Variants in FGGY observed in about 807,000 individuals in gnomAD.
FGGY encodes the protein FGGY carbohydrate kinase domain-containing protein.
A neutral mutation model predicts 71.3 loss-of-function variants in FGGY; 72 were observed. The observed-to-expected ratio is 1.01, with a 90% CI of 0.84 to 1.23. The LOEUF is 1.23. Among genes scored for constraint, FGGY ranks in the 50% most tolerant of loss-of-function variants. The pLI is 0.00. For synonymous variants in FGGY, 251 were observed against 250.3 expected, an observed-to-expected ratio of 1.00 and a Z score of -0.02; for missense variants, 668 against 682.3, an observed-to-expected ratio of 0.98 and a Z score of 0.23.
chr1:59,499,968 A>G (rs1004822607), intron 6 of FGGY, among the ~76,000 whole-genome samples: 1 of 152,120 alleles, frequency 6.6e-6, no homozygotes, highest in Non-Finnish European at 1.5e-5. Flanking sequence ...TTTCCCTTTA[A>G]GGATTTCAAA....
intron 15 of FGGY, among the ~76,000 whole-genome samples, chr1:59,759,744 C>T (rs1019745504): frequency 1.3e-5 from 2 of 152,124 alleles, no homozygotes; most frequent in African/African-American, 4.8e-5. Context: ...CGATGTGGGA[C>T]GACATTTACT....
At chr1:59,730,477 C>T (rs79800561) in intron 14 of FGGY, among the ~76,000 whole-genome samples, 1,641 of 152,272 alleles carry the variant, frequency 0.011, 33 homozygotes, top group African/African-American at 0.037. Context: ...ATAGCTACAG[C>T]TTCAGTAGCC....
intron 14 of FGGY, among the ~76,000 whole-genome samples, chr1:59,675,062 G>A (rs995647558): frequency 2.0e-5 from 3 of 152,144 alleles, no homozygotes; most frequent in African/African-American, 7.2e-5. Flanking sequence ...CCATTTTATA[G>A]TTGAGGAACC....
chr1:59,632,085 G>A (rs1195440882), intron 10 of FGGY, among the ~76,000 whole-genome samples: 1 of 152,184 alleles, frequency 6.6e-6, no homozygotes, highest in Non-Finnish European at 1.5e-5. Context: ...TGGCCCATCT[G>A]TCTGATGAGT....
chr1:59,688,678 A>G lies in FGGY; in HGVS notation c.1512+14545A>G, dbSNP rs1159475945. Reference sequence around the variant, plus strand: ...TTGAATGCAGGTTTTTCTCTCCCCAAGCATATGCTCTTTCCACTTGGGGAC... The same window carrying G: ...TTGAATGCAGGTTTTTCTCTCCCCAGGCATATGCTCTTTCCACTTGGGGAC... On this transcript the variant is annotated intron_variant, in intron 14 of 15. Coordinates refer to ENST00000303721, the MANE Select transcript of FGGY (RefSeq NM_018291.5). 2.0e-5 allele frequency among the ~76,000 whole-genome samples: 3 copies of G among 152,134 alleles called. No individual in the cohort carries two copies. In the East Asian group the frequency reaches 5.8e-4, roughly 29 times the overall value.
At chr1:59,734,915 T>C (rs930345116) in intron 14 of FGGY, among the ~76,000 whole-genome samples, 6 of 152,258 alleles carry the variant, frequency 3.9e-5, no homozygotes, top group Non-Finnish European at 5.9e-5. Flanking sequence ...TTGCCTCTAA[T>C]GTGACAGATT....
intron 7 of FGGY, among the ~76,000 whole-genome samples, chr1:59,537,798 A>C (rs2095357938): frequency 6.6e-6 from 1 of 152,190 alleles, no homozygotes; most frequent in South Asian, 2.1e-4. Flanking sequence ...AGCCATATGG[A>C]GAAAGCTGAA....
intron 11 of FGGY, chr1:59,641,217 G>A: frequency 7.6e-7 from 1 of 1,322,994 alleles, no homozygotes; most frequent in East Asian, 2.5e-5. Context: ...TCTAACCAAT[G>A]ATAGATTGCC....
At chr1:59,752,899 G>A (rs1303969762) in intron 14 of FGGY, among the ~76,000 whole-genome samples, 1 of 152,220 alleles carries the variant, frequency 6.6e-6, no homozygotes, top group Non-Finnish European at 1.5e-5. Flanking sequence ...GCTTTCAGAA[G>A]TGATGATCAA....
intron 6 of FGGY, among the ~76,000 whole-genome samples, chr1:59,486,361 T>C (rs760931215): frequency 6.6e-6 from 1 of 152,166 alleles, no homozygotes; most frequent in Non-Finnish European, 1.5e-5. Flanking sequence ...TTAAGTGCCC[T>C]GTGAGCAGGC....
At chr1:59,606,868 C>A (rs1439887976) in intron 8 of FGGY, among the ~76,000 whole-genome samples, 1 of 151,820 alleles carries the variant, frequency 6.6e-6, no homozygotes, top group Admixed American at 6.6e-5. Flanking sequence ...TCTCATGAAC[C>A]ACACTATATT....
At chr1:59,680,502 A>G (rs1391261131) in intron 14 of FGGY, among the ~76,000 whole-genome samples, 1 of 150,372 alleles carries the variant, frequency 6.7e-6, no homozygotes, top group African/African-American at 2.4e-5. Context: ...AAAAAAAAAA[A>G]TAGAATAAAA....
intron 14 of FGGY, among the ~76,000 whole-genome samples, chr1:59,694,268 G>A (rs181870354): frequency 4.0e-5 from 6 of 150,902 alleles, no homozygotes; most frequent in East Asian, 1.9e-4. Context: ...CAGCCTGGGC[G>A]ACAAAGCAAG....
intron 3 of FGGY, among the ~76,000 whole-genome samples, chr1:59,343,747 TATTA>T (rs1168953803): frequency 1.2e-4 from 18 of 150,316 alleles, no homozygotes; most frequent in African/African-American, 4.0e-4. Flanking sequence ...AAACGAAAAT[TATTA>T]ATTCTAATAC....
At chr1:59,373,192 G>A (rs2058017314) in intron 4 of FGGY, among the ~76,000 whole-genome samples, 1 of 152,040 alleles carries the variant, frequency 6.6e-6, no homozygotes, top group East Asian at 1.9e-4. Flanking sequence ...CCCTTAAGCT[G>A]ATAAGCAACT....
intron 14 of FGGY, among the ~76,000 whole-genome samples, chr1:59,714,374 A>AGTGGTGGGTGAATC (rs1298583716): frequency 7.7e-4 from 118 of 152,260 alleles, no homozygotes; most frequent in African/African-American, 2.6e-3. Context: ...TCAAAGACCT[A>AGTGGTGGGTGAATC]GTGGTGGGTG....
chr1:59,708,080 C>G (rs1356652533), intron 14 of FGGY, among the ~76,000 whole-genome samples: 1 of 152,110 alleles, frequency 6.6e-6, no homozygotes, highest in Non-Finnish European at 1.5e-5. Flanking sequence ...AATCCAGGGC[C>G]TCCTGTTTCT....
Position 59,433,776 on chromosome 1 carries a change from G to A in FGGY, c.555-23185G>A, listed in dbSNP as rs914883787. On this transcript the variant is annotated intron_variant, in intron 5 of 15. Coordinates refer to ENST00000303721, the MANE Select transcript of FGGY (RefSeq NM_018291.5). ...GCTCCGTTGTCATGATTTTCCCACCGTCTAAGCCAGTGTAGGTTACGTTAC... is the reference window on the plus strand; with the variant it reads ...GCTCCGTTGTCATGATTTTCCCACCATCTAAGCCAGTGTAGGTTACGTTAC... 3.9e-5 allele frequency among the ~76,000 whole-genome samples: 6 copies of A among 152,138 alleles called. 1 individual carries two copies. Among genetic ancestry groups the A allele is most frequent in the South Asian group, 2.1e-4 (1 of 4,822 alleles).
chr1:59,326,621 C>CT (rs2153152883), intron 2 of FGGY, among the ~76,000 whole-genome samples: 1 of 152,304 alleles, frequency 6.6e-6, no homozygotes, highest in South Asian at 2.1e-4. Context: ...CTCTCTATCT[C>CT]TAGCACCATA....
Sources: allele counts gnomAD v4.1 joint callset (sites outside exome capture counted in the v4.1 genomes callset), GRCh38; gene constraint gnomAD v4.1.1; transcripts MANE v1.5; gene names NCBI Gene and HGNC (gene_info 2026-07-23, HGNC 2026-07-21).